Variants in EPHA6 observed in about 807,000 individuals in gnomAD.
EPHA6 encodes ephrin type-A receptor 6.
In EPHA6, 50 loss-of-function variants were observed where a neutral mutation model predicts 112.0. The observed-to-expected ratio is 0.45, with a 90% CI of 0.36 to 0.56. The LOEUF (loss-of-function observed/expected upper bound fraction) is 0.56. Ranked by LOEUF, EPHA6 falls within the 20% of genes least tolerant of loss-of-function variation. The pLI is 0.00. For synonymous variants in EPHA6, 529 were observed against 490.7 expected, an observed-to-expected ratio of 1.08 and a Z score of -1.03; for missense variants, 1,280 against 1,417.4, an observed-to-expected ratio of 0.90 and a Z score of 1.56.
intron 3 of EPHA6, among the ~76,000 whole-genome samples, chr3:97,142,450 AAGAG>A (rs1278072643): frequency 6.6e-6 from 1 of 151,940 alleles, no homozygotes; most frequent in African/African-American, 2.4e-5. Context: ...CCAAGAAAAT[AAGAG>A]AGATTTAAAT....
intron 1 of EPHA6, 113 bp downstream of exon 1, chr3:96,815,121 C>T: frequency 9.3e-7 from 1 of 1,069,790 alleles, no homozygotes; most frequent in Non-Finnish European, 1.3e-6. Flanking sequence ...AGTCTCCTGG[C>T]TCGCCACACG....
At chr3:96,845,119 A>G (rs2034993006) in intron 1 of EPHA6, among the ~76,000 whole-genome samples, 1 of 151,974 alleles carries the variant, frequency 6.6e-6, no homozygotes, top group Non-Finnish European at 1.5e-5. Flanking sequence ...CTTTTTTTAA[A>G]CGAGGAAAGA....
At chr3:96,896,083 G>C (rs751236698) in intron 2 of EPHA6, among the ~76,000 whole-genome samples, 33 of 152,064 alleles carry the variant, frequency 2.2e-4, no homozygotes, top group South Asian at 1.0e-3. Context: ...ATGTATCCCC[G>C]TTGTTAAGCA....
At chr3:97,337,174 G>T (rs914322378) in intron 5 of EPHA6, among the ~76,000 whole-genome samples, 7 of 152,216 alleles carry the variant, frequency 4.6e-5, no homozygotes, top group Non-Finnish European at 7.4e-5. Flanking sequence ...CACAGAGGAT[G>T]AAATAGGCAA....
chr3:97,041,560 A>T (rs998004210), intron 3 of EPHA6, among the ~76,000 whole-genome samples: 1 of 152,120 alleles, frequency 6.6e-6, no homozygotes, highest in Non-Finnish European at 1.5e-5. Flanking sequence ...TTCAATCCAG[A>T]TGTTTGCCTT....
chr3:97,079,673 C>G (rs1576449800), intron 3 of EPHA6, among the ~76,000 whole-genome samples: 1 of 149,094 alleles, frequency 6.7e-6, no homozygotes, highest in Non-Finnish European at 1.5e-5. Flanking sequence ...AAAAGTTATA[C>G]TGTGGGTAAA....
chr3:97,054,174 A>T (rs2108095861), intron 3 of EPHA6, among the ~76,000 whole-genome samples: 1 of 150,516 alleles, frequency 6.6e-6, no homozygotes, highest in East Asian at 1.9e-4. Context: ...ACACACACAC[A>T]CACACACACA....
chr3:97,384,178 G>T (rs765919875), intron 5 of EPHA6, among the ~76,000 whole-genome samples: 6 of 152,102 alleles, frequency 3.9e-5, no homozygotes, highest in Non-Finnish European at 8.8e-5. Context: ...CAACTATTTT[G>T]AGTGGTTGCC....
At chr3:97,059,056 T>C (rs2045939707) in intron 3 of EPHA6, among the ~76,000 whole-genome samples, 1 of 151,852 alleles carries the variant, frequency 6.6e-6, no homozygotes, top group Non-Finnish European at 1.5e-5. Flanking sequence ...AAATAGGAGA[T>C]GAGGAAAAAG....
At position 97,317,561 on chromosome 3, in the gene EPHA6, G is replaced by T. The variant is rs1012825627; in HGVS notation, c.1606+73274G>T. ...TTGTTTCGATATACCCTTCAGATTG[G>T]ACTGATAGTAGATTGTTTTACAAAC... On this transcript the variant is annotated intron_variant, in intron 5 of 17. Transcript: ENST00000389672. Among the ~76,000 whole-genome samples, 17 of 151,866 alleles carry T rather than the reference G, an allele frequency of 1.1e-4. 1 individual carries two copies. Among genetic ancestry groups the T allele is most frequent in the African/African-American group, 4.1e-4 (17 of 41,356 alleles).
intron 14 of EPHA6, among the ~76,000 whole-genome samples, chr3:97,660,140 C>A (rs1441825995): frequency 1.3e-5 from 2 of 151,956 alleles, no homozygotes; most frequent in African/African-American, 2.4e-5. Flanking sequence ...AAAACATTGA[C>A]AGAAAGAGGA....
intron 3 of EPHA6, among the ~76,000 whole-genome samples, chr3:97,019,501 T>G (rs917699852): frequency 3.3e-5 from 5 of 152,168 alleles, no homozygotes; most frequent in Admixed American, 3.3e-4. Flanking sequence ...CCAGCTATGT[T>G]TTCTCAACAC....
intron 2 of EPHA6, among the ~76,000 whole-genome samples, chr3:96,902,767 C>T (rs572930684): frequency 4.6e-5 from 7 of 152,210 alleles, no homozygotes; most frequent in Admixed American, 2.0e-4. Flanking sequence ...AATTTCCTAC[C>T]GGGATCTTTT....
intron 3 of EPHA6, among the ~76,000 whole-genome samples, chr3:97,135,362 A>T (rs747376975): frequency 6.6e-6 from 1 of 152,154 alleles, no homozygotes; most frequent in East Asian, 1.9e-4. Flanking sequence ...GTATTTAAAC[A>T]TAGCTCCTGT....
intron 3 of EPHA6, among the ~76,000 whole-genome samples, chr3:97,125,528 A>T (rs1034637112): frequency 3.9e-5 from 6 of 152,164 alleles, no homozygotes; most frequent in Non-Finnish European, 5.9e-5. Context: ...ATTTATTGAG[A>T]GGAAACATGG....
Position 97,207,716 on chromosome 3 carries a change from C to A in EPHA6, c.1115-18548C>A, listed in dbSNP as rs77035158. On this transcript the variant is annotated intron_variant, in intron 3 of 17. Transcript: ENST00000389672. ...TACACAAAATTTTGTATGTGTACAG[C>A]TTTTGATTAATGGAATGGATTTATA... 3.2e-4 allele frequency among the ~76,000 whole-genome samples: 48 copies of A among 152,186 alleles called. No individual in the cohort carries two copies. The East Asian group carries it at 9.3e-3, about 29-fold the overall frequency.
intron 3 of EPHA6, among the ~76,000 whole-genome samples, chr3:97,018,879 C>T (rs999992372): frequency 1.3e-5 from 2 of 152,142 alleles, no homozygotes; most frequent in Non-Finnish European, 2.9e-5. Flanking sequence ...CCTTAGACCA[C>T]GGTCCGCCTG....
chr3:97,015,585 A>C (rs532255590), intron 3 of EPHA6, among the ~76,000 whole-genome samples: 3 of 152,334 alleles, frequency 2.0e-5, no homozygotes, highest in South Asian at 4.1e-4. Flanking sequence ...ATATATATAC[A>C]TGATTACTTA....
At chr3:97,663,570 T>C (rs9821896) in intron 14 of EPHA6, among the ~76,000 whole-genome samples, 12,271 of 149,702 alleles carry the variant, frequency 0.082, 604 homozygotes, top group South Asian at 0.16. Context: ...TGCCTATGAG[T>C]AAGAACATGT....
Sources: allele counts gnomAD v4.1 joint callset (sites outside exome capture counted in the v4.1 genomes callset), GRCh38; gene constraint gnomAD v4.1.1; transcripts MANE v1.5; gene names NCBI Gene and HGNC (gene_info 2026-07-23, HGNC 2026-07-21).